The following POU2F3 variants were observed in gnomAD, a reference collection of about 807,000 sequenced individuals.
POU2F3 encodes POU domain, class 2, transcription factor 3.
POU2F3 carries 23 observed loss-of-function variants against 59.2 expected under a neutral mutation model. That is an observed-to-expected ratio of 0.39 (90% CI 0.28 to 0.55). The LOEUF is 0.55. Ranked by LOEUF, POU2F3 falls within the 20% of genes least tolerant of loss-of-function variation. The probability of loss-of-function intolerance (pLI) is 0.66; values close to 1 mark genes in which losing one functional copy is unlikely to be tolerated. For missense variants in POU2F3, 473 were observed against 544.5 expected, an observed-to-expected ratio of 0.87 and a Z score of 1.31; for synonymous variants, 190 against 214.6, an observed-to-expected ratio of 0.89 and a Z score of 1.00.
chr11:120,253,037 T>C (rs1379986492), intron 2 of POU2F3, among the ~76,000 whole-genome samples: 1 of 152,168 alleles, frequency 6.6e-6, no homozygotes, highest in Non-Finnish European at 1.5e-5. Context: ...CAGAGTTCCC[T>C]TAGTTTATGA....
chr11:120,254,754 C>A (rs1480924998), intron 2 of POU2F3: 1 of 152,236 alleles, frequency 6.6e-6, no homozygotes, highest in Admixed American at 6.5e-5. Flanking sequence ...GGATGTGTGA[C>A]CAGAGCCCTC....
At chr11:120,247,489 A>G (rs936028566) in intron 2 of POU2F3, among the ~76,000 whole-genome samples, 3 of 152,220 alleles carry the variant, frequency 2.0e-5, no homozygotes, top group African/African-American at 4.8e-5. Context: ...CCAGTTTAAT[A>G]CTGAAACAGT....
chr11:120,245,148 T>C lies in POU2F3; in HGVS notation c.29-1301T>C, dbSNP rs376822185. On this transcript the variant is annotated intron_variant, in intron 1 of 12. Coordinates refer to ENST00000543440, the MANE Select transcript of POU2F3 (RefSeq NM_014352.4). ...TTTCTCCCCTATTTCTGGGGTATTC[T>C]AGCCTCTAAATCTCTGGATCCCCCA... is the stretch of plus-strand genomic sequence containing the variant. Among the ~76,000 whole-genome samples, 28 of 152,302 alleles carry C rather than the reference T, an allele frequency of 1.8e-4. No individual in the cohort carries two copies. The East Asian group carries it at 2.3e-3, about 13-fold the overall frequency.
chr11:120,245,571 G>C (rs1938835174), intron 1 of POU2F3, among the ~76,000 whole-genome samples: 1 of 152,208 alleles, frequency 6.6e-6, no homozygotes, highest in South Asian at 2.1e-4. Flanking sequence ...GAGGAGCAGA[G>C]AGAGAGTGAG....
intron 4 of POU2F3, among the ~76,000 whole-genome samples, chr11:120,299,261 G>C (rs888339040): frequency 2.0e-5 from 3 of 152,220 alleles, no homozygotes; most frequent in Non-Finnish European, 2.9e-5. Flanking sequence ...GATAGTTGGG[G>C]ATTGCATGTT....
At chr11:120,236,650 C>T (rs758300263), upstream of POU2F3, 7 of 1,483,486 alleles carry the variant, frequency 4.7e-6, no homozygotes, top group South Asian at 2.4e-5. Flanking sequence ...CTCACTCCAG[C>T]CCAGAGCTCA....
rs763602912 is a variant in POU2F3 at position 120,317,258 on chromosome 11, A to T, written c.1165A>T (p.Ser389Cys). 3.1e-6 allele frequency: 5 copies of T among 1,614,000 alleles called. No homozygotes were observed. The change falls in exon 12 of 13, where the codon AGC (serine) becomes TGC (cysteine). Residue 389 changes from serine to cysteine, a missense_variant. Physicochemically the swap from Ser to Cys is moderately radical, Grantham distance 112. Transcript: ENST00000543440. ...VTSSCSPGNN[S>C]RPSSPGSGLH... is the part of the protein sequence containing the mutation. ...GTCATCCTGTTCCCCTGGGAACAAC[A>T]GCAGGCCTTCATCTCCTGGCTCAGG...
At chr11:120,303,759 T>C (rs978360000) in intron 6 of POU2F3, 3 of 152,192 alleles carry the variant, frequency 2.0e-5, no homozygotes, top group Admixed American at 6.5e-5. Context: ...AGAGGTCCTT[T>C]TACCTTCTTC....
At chr11:120,253,880 C>A (rs992831478) in intron 2 of POU2F3, among the ~76,000 whole-genome samples, 1 of 152,208 alleles carries the variant, frequency 6.6e-6, no homozygotes, top group Non-Finnish European at 1.5e-5. Context: ...TCCTCTCACT[C>A]CCTCCCTGGA....
At chr11:120,299,583 C>G (rs1248607918) in intron 4 of POU2F3, 41 bp from the exon 5 acceptor site, 1 of 1,573,120 alleles carries the variant, frequency 6.4e-7, no homozygotes, top group Admixed American at 1.7e-5. Context: ...ATGTCCCCAG[C>G]TTGTAAATTC....
Position 120,240,305 on chromosome 11 carries a change from G to A in POU2F3, c.-39G>A. On this transcript the variant is annotated 5_prime_UTR_variant, in exon 1 of 13. Coordinates refer to ENST00000543440, the MANE Select transcript of POU2F3 (RefSeq NM_014352.4). ...GCCCCGGCTGGGGCAGAGGCGAGGG[G>A]CCTGGGGGGGCGCTGGCTTTGGCCC... 7.4e-7 allele frequency: 1 copy of A among 1,353,376 alleles called. No homozygotes were observed. The highest frequency in any genetic ancestry group is 2.2e-5 in the South Asian group (1 of 45,380). The allele number at this position is 1,353,376 out of a possible 1,614,324, so 83.8% of individuals were successfully genotyped here. A position where few individuals can be genotyped will look rare whatever the true frequency, so the allele number is the denominator to read the frequency against.
intron 3 of POU2F3, among the ~76,000 whole-genome samples, chr11:120,284,255 T>A (rs1940694977): frequency 6.6e-6 from 1 of 152,220 alleles, no homozygotes; most frequent in Non-Finnish European, 1.5e-5. Flanking sequence ...CACCTGCCTA[T>A]CACCCCGCTT....
chr11:120,246,287 G>A (rs1006223725), intron 1 of POU2F3, among the ~76,000 whole-genome samples, 162 bp from the exon 2 acceptor site: 3 of 152,120 alleles, frequency 2.0e-5, no homozygotes, highest in African/African-American at 7.2e-5. Context: ...GTGCCCTCAA[G>A]CTTATGAATA....
At chr11:120,272,933 G>A (rs1397120128) in intron 3 of POU2F3, among the ~76,000 whole-genome samples, 1 of 152,146 alleles carries the variant, frequency 6.6e-6, no homozygotes, top group African/African-American at 2.4e-5. Context: ...CAAATAAACT[G>A]GAAAAGCTTG....
chr11:120,319,882 A>G lies in POU2F3; in HGVS notation c.*1490A>G, dbSNP rs1331100036. The G allele has an allele frequency of 1.3e-5, 2 of 152,474 alleles. No individual in the cohort carries two copies. Among genetic ancestry groups the G allele is most frequent in the Admixed American group, 1.3e-4 (2 of 15,272 alleles). 9.4% of individuals were successfully genotyped at this position (152,474 alleles called of 1,614,324 possible). ...AAAAAAAAGACTACATGTCTAGGAA[A>G]CTGTTGAGATTCAAAGGAATCTCAC... On this transcript the variant is annotated 3_prime_UTR_variant, in exon 13 of 13. Coordinates refer to ENST00000543440, the MANE Select transcript of POU2F3 (RefSeq NM_014352.4).
intron 5 of POU2F3, 49 bp from the exon 6 acceptor site, chr11:120,302,237 T>C (rs748553418): frequency 9.3e-6 from 14 of 1,500,248 alleles, no homozygotes; most frequent in Non-Finnish European, 1.3e-5. Flanking sequence ...GTGTTTCAAA[T>C]AGCCTGGATT....
chr11:120,240,991 T>G (rs1406179983), intron 1 of POU2F3, among the ~76,000 whole-genome samples: 3 of 152,230 alleles, frequency 2.0e-5, no homozygotes, highest in Middle Eastern at 3.4e-3. Context: ...GAGATGCAAA[T>G]GCTTTGCCGG....
chr11:120,295,015 AG>A (rs963532883), intron 3 of POU2F3, among the ~76,000 whole-genome samples: 52 of 152,318 alleles, frequency 3.4e-4, no homozygotes, highest in African/African-American at 8.9e-4. Flanking sequence ...AATAATGCAG[AG>A]GGTTGTCAGA....
chr11:120,284,471 C>CG (rs1249796517), intron 3 of POU2F3, among the ~76,000 whole-genome samples: 1 of 152,126 alleles, frequency 6.6e-6, no homozygotes, highest in African/African-American at 2.4e-5. Flanking sequence ...CGGCTGGGCC[C>CG]GGGAGCTATT....
Sources: gnomAD v4.1 joint callset for allele counts (sites outside exome capture counted in the v4.1 genomes callset) on GRCh38, gnomAD v4.1.1 for gene constraint, MANE v1.5 for transcripts, NCBI Gene and HGNC (gene_info 2026-07-23, HGNC 2026-07-21) for gene names.